The following AK9 variants were observed in gnomAD, a reference collection of about 807,000 sequenced individuals.
AK9 encodes adenylate kinase domain containing 1.
A neutral mutation model predicts 239.6 loss-of-function variants in AK9; 191 were observed. The ratio of observed to expected loss-of-function variants is 0.80; its 90% CI spans 0.71 to 0.90. AK9 has a LOEUF of 0.90. Among genes scored for constraint, AK9 ranks in the 40% least tolerant of loss-of-function variants. AK9 has a pLI of 0.00. For missense variants in AK9, 1,995 were observed against 2,214.7 expected, an observed-to-expected ratio of 0.90 and a Z score of 1.99; for synonymous variants, 689 against 721.0, an observed-to-expected ratio of 0.96 and a Z score of 0.71.
At chr6:109,513,685 G>C (rs1308162666) in intron 32 of AK9, among the ~76,000 whole-genome samples, 2 of 152,136 alleles carry the variant, frequency 1.3e-5, no homozygotes, top group South Asian at 4.1e-4. Context: ...GCCTGAATCA[G>C]GCTGCACCTT....
At chr6:109,541,706 G>A (rs189978400) in intron 27 of AK9, among the ~76,000 whole-genome samples, 42 of 152,306 alleles carry the variant, frequency 2.8e-4, no homozygotes, top group Admixed American at 2.2e-3. Flanking sequence ...CACTGCACCC[G>A]GCCCTACAAT....
chr6:109,580,469 C>T (rs1019266268), intron 19 of AK9, among the ~76,000 whole-genome samples: 3 of 152,174 alleles, frequency 2.0e-5, no homozygotes, highest in African/African-American at 7.2e-5. Flanking sequence ...AGAATGTTGA[C>T]TGAATCTTTA....
intron 17 of AK9, among the ~76,000 whole-genome samples, chr6:109,592,619 T>C (rs1248341849): frequency 2.6e-5 from 4 of 152,018 alleles, no homozygotes; most frequent in Admixed American, 2.6e-4. Flanking sequence ...GCTAATTTTT[T>C]GTATTTTTAG....
In AK9 at chr6:109,499,078, T is replaced by C. The variant is rs1287526720; in HGVS notation, c.5012A>G (p.His1671Arg). ...SLEFAAEFRG[H>R]YYKMSSQEKL... The stretch of plus-strand genomic sequence containing the variant: ...TTCCTGAGAACTCATTTTATAGTAG[T>C]GCCCCCTGAACTCTGCTGCAAATTC... Residue 1671 changes from histidine (H) to arginine (R), a missense_variant, in exon 36 of 41, where the codon CAC (histidine) becomes CGC (arginine). Coordinates refer to ENST00000424296, the MANE Select transcript of AK9 (RefSeq NM_001145128.3). 6.3e-7 allele frequency: 1 copy of C among 1,579,042 alleles called. No homozygotes were observed. Among genetic ancestry groups the C allele is most frequent in the Non-Finnish European group, 8.6e-7 (1 of 1,164,706 alleles).
chr6:109,590,835 G>A (rs1790133868), intron 17 of AK9, among the ~76,000 whole-genome samples: 1 of 152,060 alleles, frequency 6.6e-6, no homozygotes, highest in Non-Finnish European at 1.5e-5. Flanking sequence ...GGCTTTGAGG[G>A]TGCCTTTTGT....
chr6:109,662,946 A>G (rs772115449), intron 5 of AK9, among the ~76,000 whole-genome samples: 4 of 152,190 alleles, frequency 2.6e-5, no homozygotes, highest in Middle Eastern at 3.4e-3. Context: ...AGGGAAGGAA[A>G]TTTCATGCTA....
At chr6:109,594,302 C>T (rs1049565755) in intron 17 of AK9, among the ~76,000 whole-genome samples, 2 of 152,150 alleles carry the variant, frequency 1.3e-5, no homozygotes, top group African/African-American at 4.8e-5. Context: ...AAGAATACAA[C>T]TTACAAGGGA....
chr6:109,651,987 T>C (rs964902578), intron 8 of AK9, among the ~76,000 whole-genome samples: 47 of 152,146 alleles, frequency 3.1e-4, no homozygotes, highest in Non-Finnish European at 6.2e-4. Flanking sequence ...AAAGAGGAGC[T>C]GGTACCATTC....
intron 24 of AK9, among the ~76,000 whole-genome samples, chr6:109,559,496 C>T (rs1431440408): frequency 2.0e-5 from 3 of 152,178 alleles, no homozygotes; most frequent in African/African-American, 7.2e-5. Context: ...TTTATGTAGG[C>T]TTTGTTCAAT....
chr6:109,644,818 G>T, intron 8 of AK9, 130 bp from the exon 9 acceptor site: 1 of 597,060 alleles, frequency 1.7e-6, no homozygotes, highest in South Asian at 3.8e-5. Flanking sequence ...TATAATGTAT[G>T]TTATTTTCAA....
At chr6:109,664,652 C>T (rs1336700835) in intron 5 of AK9, among the ~76,000 whole-genome samples, 9 of 151,814 alleles carry the variant, frequency 5.9e-5, no homozygotes, top group African/African-American at 1.7e-4. Context: ...CTCGATCTCC[C>T]GATCTCGTGA....
Sources: allele counts gnomAD v4.1 joint callset (sites outside exome capture counted in the v4.1 genomes callset), GRCh38; gene constraint gnomAD v4.1.1; transcripts MANE v1.5; gene names NCBI Gene and HGNC (gene_info 2026-07-23, HGNC 2026-07-21).